The following ZNF221 variants were observed in gnomAD, a reference collection of about 807,000 sequenced individuals.
The protein encoded by ZNF221 is zinc finger protein 221.
Under a neutral mutation model 12.6 loss-of-function variants are expected in ZNF221, and 10 were observed. The ratio of observed to expected loss-of-function variants is 0.79; its 90% CI spans 0.49 to 1.34. ZNF221 has a LOEUF of 1.34. Among genes scored for constraint, ZNF221 ranks in the 40% most tolerant of loss-of-function variants. The pLI is 0.00. For synonymous variants in ZNF221, 232 were observed against 244.0 expected, an observed-to-expected ratio of 0.95 and a Z score of 0.46; for missense variants, 661 against 721.4, an observed-to-expected ratio of 0.92 and a Z score of 0.96.
At chr19:43,954,943 C>A (rs1052707045) in intron 1 of ZNF221, among the ~76,000 whole-genome samples, 1 of 152,052 alleles carries the variant, frequency 6.6e-6, no homozygotes, top group Non-Finnish European at 1.5e-5. Flanking sequence ...CACACACTTG[C>A]GAAGGTGTGT....
At chr19:43,956,963 A>G (rs2147333913) in intron 1 of ZNF221, among the ~76,000 whole-genome samples, 2 of 152,344 alleles carry the variant, frequency 1.3e-5, no homozygotes, top group East Asian at 3.9e-4. Context: ...TTGTAAACAG[A>G]AAAAGGAACG....
At chr19:43,978,191 G>A in the ZNF221 span, among the ~76,000 whole-genome samples, 19 of 152,212 alleles carry the variant, frequency 1.2e-4, no homozygotes, top group South Asian at 4.1e-4. Flanking sequence ...AAGAGCAAGT[G>A]TTCCAAATAA....
chr19:43,969,886 C>T (rs146904885), downstream of ZNF221, among the ~76,000 whole-genome samples: 21 of 152,318 alleles, frequency 1.4e-4, no homozygotes, highest in East Asian at 5.8e-4. Context: ...CCTCCCCCAC[C>T]GCAGCACACC....
Sources: gnomAD v4.1 joint callset for allele counts (sites outside exome capture counted in the v4.1 genomes callset) on GRCh38, gnomAD v4.1.1 for gene constraint, MANE v1.5 for transcripts, NCBI Gene and HGNC (gene_info 2026-07-23, HGNC 2026-07-21) for gene names.